The following CPAMD8 variants were observed in gnomAD, a reference collection of about 807,000 sequenced individuals.
CPAMD8 encodes C3 and PZP like alpha-2-macroglobulin domain containing 8.
Under a neutral mutation model 224.7 loss-of-function variants are expected in CPAMD8, and 146 were observed. The observed-to-expected ratio is 0.65, with a 90% CI of 0.57 to 0.75. The LOEUF (loss-of-function observed/expected upper bound fraction) is 0.75. Ranked by LOEUF, CPAMD8 falls within the 30% of genes least tolerant of loss-of-function variation. The pLI is 0.00. For synonymous variants in CPAMD8, 966 were observed against 1,044.6 expected (o/e 0.92, Z 1.45); for missense variants, 2,301 against 2,537.5 (o/e 0.91, Z 2.00).
chr19:16,920,138 G>A (rs1173290901), intron 27 of CPAMD8, among the ~76,000 whole-genome samples: 1 of 152,178 alleles, frequency 6.6e-6, no homozygotes, highest in Non-Finnish European at 1.5e-5. Context: ...AATGTTTCAG[G>A]AGGTGAGAGG....
intron 22 of CPAMD8, among the ~76,000 whole-genome samples, chr19:16,941,944 G>A (rs1237218932): frequency 6.6e-6 from 1 of 152,172 alleles, no homozygotes; most frequent in Non-Finnish European, 1.5e-5. Flanking sequence ...TTGCACTCCA[G>A]CGTGGCGACA....
In CPAMD8 at chr19:17,011,668, G is replaced by A. The variant is rs781227132; in HGVS notation, c.357C>T (p.Thr119=). 6 of 1,614,082 alleles carry A rather than the reference G, an allele frequency of 3.7e-6. No homozygotes were observed. The Admixed American group carries it at 8.3e-5, about 22-fold the overall frequency. The change falls in exon 4 of 42, where the codon ACC becomes ACT. Residue 119 remains threonine, a synonymous_variant. Transcript: ENST00000443236. The part of the protein sequence containing the change: ...AEEGPLFHNQ[T]SVTVDGRGAS... ...CGCCCCGGCCGTCCACGGTCACCGA[G>A]GTCTGGTTGTGAAAGAGGGGCCCCT...
At chr19:16,909,222 G>A (rs10415474) in intron 29 of CPAMD8, among the ~76,000 whole-genome samples, 5,979 of 152,162 alleles carry the variant, frequency 0.039, 201 homozygotes, top group African/African-American at 0.089. Flanking sequence ...GATTAAGGTG[G>A]CCTCAAATCC....
chr19:16,916,384 C>T (rs1022247150), intron 27 of CPAMD8, among the ~76,000 whole-genome samples: 7 of 151,902 alleles, frequency 4.6e-5, no homozygotes, highest in Non-Finnish European at 8.8e-5. Context: ...TACAGCCTCC[C>T]GAGTAGCTGG....
rs776496524 is a variant in CPAMD8, at chr19:16,989,741, C to G, written c.1297G>C (p.Val433Leu). The G allele has an allele frequency of 6.2e-7, 1 of 1,614,020 alleles. No homozygotes were observed. The highest frequency in any genetic ancestry group is 2.2e-5 in the East Asian group (1 of 44,870). ...TKVMALNGKPVGAQYLPSYLS... is the reference protein window; with the variant it reads ...TKVMALNGKPLGAQYLPSYLS... ...TAGCTGGGCAGGTACTGAGCCCCCA[C>G]AGGCTTCCCGTTCAGTGCCATCACC... The change falls in exon 13 of 42, where the codon GTG (valine) becomes CTG (leucine). Residue 433 changes from valine (V) to leucine (L), a missense_variant. Coordinates refer to ENST00000443236, the MANE Select transcript of CPAMD8 (RefSeq NM_015692.5).
intron 18 of CPAMD8, among the ~76,000 whole-genome samples, chr19:16,962,304 G>C (rs1178906584): frequency 6.6e-6 from 1 of 152,176 alleles, no homozygotes; most frequent in Admixed American, 6.6e-5. Context: ...ATAAAGGTTA[G>C]ACGAATGGCT....
At chr19:16,942,566 C>A (rs922353156) in intron 22 of CPAMD8, among the ~76,000 whole-genome samples, 2 of 152,222 alleles carry the variant, frequency 1.3e-5, no homozygotes, top group Non-Finnish European at 2.9e-5. Flanking sequence ...ATGCACTGTG[C>A]CTCTGGCTGA....
At position 16,975,134 on chromosome 19, in the gene CPAMD8, G is replaced by C; in HGVS notation, c.2033C>G (p.Pro678Arg). 6.2e-7 allele frequency: 1 copy of C among 1,612,978 alleles called. No homozygotes were observed. Among genetic ancestry groups the C allele is most frequent in the Non-Finnish European group, 8.5e-7 (1 of 1,179,764 alleles). ...RRRRSSVFPW[P>R]WGITKDSGFA... is the part of the protein sequence containing the mutation. ...CCCAGAGTCCTTGGTGATGCCCCAA[G>C]GCCACGGGAAGACAGAGGAGCGCCG... Residue 678 changes from proline (P) to arginine (R), a missense_variant, in exon 17 of 42, where the codon CCT becomes CGT. Coordinates refer to ENST00000443236, the MANE Select transcript of CPAMD8 (RefSeq NM_015692.5).
At position 16,993,556 on chromosome 19, in the gene CPAMD8, C is replaced by G; in HGVS notation, c.1126G>C (p.Ala376Pro). Reference protein sequence around the residue: ...VELSYPDGSPAEGVTVQIKAE... With the variant: ...VELSYPDGSPPEGVTVQIKAE... ...TTAATCTGGACCGTCACCCCCTCAG[C>G]TGGGCTGCCATCGGGGTAGGATAGC... Residue 376 changes from alanine (A) to proline (P), a missense_variant, in exon 12 of 42, where the codon GCT becomes CCT. Physicochemically the swap from Ala to Pro is conservative, Grantham distance 27. Transcript: ENST00000443236. 3.1e-6 allele frequency: 5 copies of G among 1,614,224 alleles called. No homozygotes were observed. Among genetic ancestry groups the G allele is most frequent in the Non-Finnish European group, 4.2e-6 (5 of 1,180,034 alleles).
At chr19:16,947,293 AAC>A in intron 20 of CPAMD8, 66 bp from the exon 21 acceptor site, 1 of 1,547,226 alleles carries the variant, frequency 6.5e-7, no homozygotes, top group Non-Finnish European at 8.8e-7. Context: ...CTGGAGGCCC[AAC>A]ACACATCCCA....
In CPAMD8 at chr19:16,903,761, C is replaced by T. The variant is rs2144742954; in HGVS notation, c.4348G>A (p.Asp1450Asn). ...TGCAGCTCGAAGGTTTCCTGGTAGT[C>T]CAGGTTGGTGGAGGCCAGGGAGACA... ...LTVSLASTNL[D>N]YQETFELHRT... The change falls in exon 33 of 42, where the codon GAC becomes AAC. Residue 1450 changes from aspartate to asparagine, a missense_variant. Asp to Asn is a conservative substitution (Grantham distance 23). Coordinates refer to ENST00000443236, the MANE Select transcript of CPAMD8 (RefSeq NM_015692.5). 1.9e-6 allele frequency: 3 copies of T among 1,614,160 alleles called. No homozygotes were observed. The highest frequency in any genetic ancestry group is 2.2e-5 in the South Asian group (2 of 91,078).
chr19:17,017,305 A>T (rs1163192833), intron 3 of CPAMD8, among the ~76,000 whole-genome samples: 1 of 152,188 alleles, frequency 6.6e-6, no homozygotes, highest in Non-Finnish European at 1.5e-5. Context: ...ATGGTGAGTT[A>T]TATCATTATT....
intron 32 of CPAMD8, 34 bp downstream of exon 32, chr19:16,904,192 C>G: frequency 6.6e-7 from 1 of 1,526,230 alleles, no homozygotes; most frequent in Non-Finnish European, 8.9e-7. Flanking sequence ...CCCACCCAGC[C>G]CTGAGCCCCT....
At chr19:16,894,702 A>G (rs1306503162) in intron 41 of CPAMD8, 1 of 328,114 alleles carries the variant, frequency 3.0e-6, no homozygotes, top group Non-Finnish European at 6.2e-6. Context: ...CAGACCACCA[A>G]CCAAATCGAA....
chr19:16,911,539 T>G (rs1184486710), intron 29 of CPAMD8, among the ~76,000 whole-genome samples: 1 of 151,644 alleles, frequency 6.6e-6, no homozygotes, highest in African/African-American at 2.4e-5. Flanking sequence ...TTTTGTATTT[T>G]TATTTTTATT....
intron 22 of CPAMD8, among the ~76,000 whole-genome samples, chr19:16,943,573 C>T (rs1482000336): frequency 6.6e-6 from 1 of 152,184 alleles, no homozygotes. Flanking sequence ...CAGCCCTTCA[C>T]TCCATTTCAC....
chr19:17,010,588 C>T (rs2056618331), intron 5 of CPAMD8, among the ~76,000 whole-genome samples: 2 of 152,024 alleles, frequency 1.3e-5, no homozygotes, highest in Admixed American at 1.3e-4. Flanking sequence ...AAGAGAACGT[C>T]CTTGCTCTTA....
chr19:16,955,628 A>C (rs2054445439), intron 19 of CPAMD8, among the ~76,000 whole-genome samples: 1 of 152,130 alleles, frequency 6.6e-6, no homozygotes, highest in Non-Finnish European at 1.5e-5. Context: ...TAAGATCGTA[A>C]ATTTTATGTG....
chr19:16,909,856 G>A (rs1212498331), intron 29 of CPAMD8, among the ~76,000 whole-genome samples: 2 of 152,054 alleles, frequency 1.3e-5, no homozygotes, highest in Non-Finnish European at 2.9e-5. Context: ...CGGCACGGGA[G>A]TTTTTGTTTG....
Sources: allele counts gnomAD v4.1 joint callset (sites outside exome capture counted in the v4.1 genomes callset), GRCh38; gene constraint gnomAD v4.1.1; transcripts MANE v1.5; gene names NCBI Gene and HGNC (gene_info 2026-07-23, HGNC 2026-07-21).